PLXDC2: variants seen among roughly 807,000 people sequenced by gnomAD.
PLXDC2 encodes the protein plexin domain-containing protein 2.
PLXDC2 carries 40 observed loss-of-function variants against 68.9 expected under a neutral mutation model. The ratio of observed to expected loss-of-function variants is 0.58; its 90% confidence interval spans 0.45 to 0.76. The LOEUF (loss-of-function observed/expected upper bound fraction) is 0.76, where lower values mean the gene tolerates loss of function less well. Among genes scored for constraint, PLXDC2 ranks in the 30% least tolerant of loss-of-function variants. PLXDC2 has a pLI of 0.00. For missense variants in PLXDC2, 644 were observed against 661.9 expected, an observed-to-expected ratio of 0.97 and a Z score of 0.30; for synonymous variants, 243 against 234.2, an observed-to-expected ratio of 1.04 and a Z score of -0.34.
At chr10:20,117,619 T>G (rs1474019955) in intron 4 of PLXDC2, among the ~76,000 whole-genome samples, 1 of 152,148 alleles carries the variant, frequency 6.6e-6, no homozygotes, top group African/African-American at 2.4e-5. Flanking sequence ...ATCCCATATA[T>G]TTATGAAAAT....
chr10:20,014,455 C>T (rs919331612), intron 2 of PLXDC2, among the ~76,000 whole-genome samples: 14 of 145,136 alleles, frequency 9.6e-5, no homozygotes, highest in African/African-American at 3.0e-4. Context: ...TCCCCTCTCT[C>T]TCTTTCTTTC....
At chr10:20,217,016 C>T (rs1036583553) in intron 10 of PLXDC2, among the ~76,000 whole-genome samples, 23 of 152,182 alleles carry the variant, frequency 1.5e-4, no homozygotes, top group African/African-American at 5.3e-4. Context: ...CAGTTTGATA[C>T]GAAAGGAATG....
At chr10:20,058,177 G>A (rs1472062857) in intron 3 of PLXDC2, among the ~76,000 whole-genome samples, 2 of 152,052 alleles carry the variant, frequency 1.3e-5, no homozygotes, top group East Asian at 1.9e-4. Context: ...ATATTTATGG[G>A]GTACAGGTGA....
chr10:20,094,561 T>TC (rs1833323457), intron 4 of PLXDC2, among the ~76,000 whole-genome samples: 1 of 151,814 alleles, frequency 6.6e-6, no homozygotes, highest in Non-Finnish European at 1.5e-5. Context: ...CATTATTTTT[T>TC]TTTCTGATCT....
intron 1 of PLXDC2, among the ~76,000 whole-genome samples, chr10:19,844,927 G>A (rs1344539156): frequency 1.3e-5 from 2 of 152,078 alleles, no homozygotes; most frequent in Admixed American, 1.3e-4. Context: ...AAATTCACAG[G>A]GTACTGGACA....
intron 13 of PLXDC2, among the ~76,000 whole-genome samples, chr10:20,270,042 T>TAAAATA (rs1835917187): frequency 9.2e-6 from 1 of 109,002 alleles, no homozygotes; most frequent in Non-Finnish European, 2.1e-5. Flanking sequence ...TAAAATAAAA[T>TAAAATA]AAAATAAAAT....
chr10:20,089,484 G>T (rs553332623), intron 4 of PLXDC2, among the ~76,000 whole-genome samples: 5 of 152,226 alleles, frequency 3.3e-5, no homozygotes, highest in African/African-American at 9.6e-5. Flanking sequence ...GTTACTAAGA[G>T]AGAAGGCCAG....
At chr10:20,213,598 A>G (rs1835098364) in intron 10 of PLXDC2, among the ~76,000 whole-genome samples, 2 of 152,126 alleles carry the variant, frequency 1.3e-5, no homozygotes, top group South Asian at 2.1e-4. Context: ...TTGGAAATAC[A>G]TTAAATTATG....
chr10:19,960,738 T>C (rs1564639944), intron 1 of PLXDC2, among the ~76,000 whole-genome samples: 1 of 148,118 alleles, frequency 6.8e-6, no homozygotes, highest in East Asian at 2.0e-4. Context: ...CCTGATTACA[T>C]ATTTTTTTCC....
chr10:20,025,881 T>G (rs752851859), intron 2 of PLXDC2, among the ~76,000 whole-genome samples: 3 of 151,776 alleles, frequency 2.0e-5, no homozygotes, highest in Non-Finnish European at 4.4e-5. Flanking sequence ...ATAATTTTAA[T>G]TTTATATATT....
chr10:19,994,291 A>T (rs1302803866), intron 1 of PLXDC2, among the ~76,000 whole-genome samples: 1 of 79,716 alleles, frequency 1.3e-5, no homozygotes. Flanking sequence ...ATTTTCTCTG[A>T]CTACTTGGAA....
intron 13 of PLXDC2, among the ~76,000 whole-genome samples, chr10:20,270,272 G>A (rs11011924): frequency 0.26 from 39,024 of 151,874 alleles, 5,274 homozygotes; most frequent in African/African-American, 0.34. Flanking sequence ...CTTTGTTTGC[G>A]TAAAGGTTTA....
At chr10:19,894,327 A>C (rs2131362492) in intron 1 of PLXDC2, among the ~76,000 whole-genome samples, 1 of 151,870 alleles carries the variant, frequency 6.6e-6, no homozygotes, top group Non-Finnish European at 1.5e-5. Flanking sequence ...TGTTTCCCAA[A>C]CTTTTCTATG....
rs1197148323 is a variant in PLXDC2, at chr10:20,287,531, A to G, written c.*7712A>G. On this transcript the variant is annotated 3_prime_UTR_variant, in exon 14 of 14. Coordinates refer to ENST00000377252, the MANE Select transcript of PLXDC2 (RefSeq NM_032812.9). Reference sequence around the variant, plus strand: ...TTCAAGGTGGTTTGAATGAAAACATACTCAGATTGTCACATTTATAGCAGG... The same window carrying G: ...TTCAAGGTGGTTTGAATGAAAACATGCTCAGATTGTCACATTTATAGCAGG... 2.0e-5 allele frequency: 3 copies of G among 150,068 alleles called. No homozygotes were observed. The highest frequency in any genetic ancestry group is 4.4e-5 in the Non-Finnish European group (3 of 67,692). The allele number at this position is 150,068 out of a possible 1,614,324, so 9.3% of individuals were successfully genotyped here.
chr10:20,038,150 C>T (rs188323684), intron 2 of PLXDC2, among the ~76,000 whole-genome samples: 238 of 151,912 alleles, frequency 1.6e-3, no homozygotes, highest in African/African-American at 5.5e-3. Context: ...GCAGGAGAAT[C>T]GCTTGAACCT....
At chr10:19,831,789 A>C (rs1836697994) in intron 1 of PLXDC2, among the ~76,000 whole-genome samples, 1 of 152,052 alleles carries the variant, frequency 6.6e-6, no homozygotes, top group Admixed American at 6.6e-5. Context: ...AATATTCCCT[A>C]GTGTATAGGT....
intron 7 of PLXDC2, among the ~76,000 whole-genome samples, chr10:20,171,736 T>TTTC (rs1175431181): frequency 6.6e-5 from 10 of 152,024 alleles, no homozygotes; most frequent in Admixed American, 2.0e-4. Context: ...GGTTAAATTC[T>TTTC]TTCTTTTATT....
rs537703549 is a variant in PLXDC2 at position 20,280,896 on chromosome 10, A to G, written c.*1077A>G. The G allele has an allele frequency of 6.6e-6, 1 of 152,090 alleles. No individual in the cohort carries two copies. The highest frequency in any genetic ancestry group is 2.1e-4 in the South Asian group (1 of 4,830). 9.4% of individuals were successfully genotyped at this position (152,090 alleles called of 1,614,324 possible). ...TACAGTAATTTTCTTTAAAGCACAT[A>G]GTAGTTACATAAATATATATATATA... On this transcript the variant is annotated 3_prime_UTR_variant, in exon 14 of 14. Transcript: ENST00000377252.
intron 13 of PLXDC2, among the ~76,000 whole-genome samples, chr10:20,259,083 C>G (rs1046053538): frequency 6.6e-6 from 1 of 151,734 alleles, no homozygotes; most frequent in African/African-American, 2.4e-5. Context: ...GAGGAAGCTA[C>G]AACCACTTAG....
Sources: allele counts gnomAD v4.1 joint callset (sites outside exome capture counted in the v4.1 genomes callset), GRCh38; gene constraint gnomAD v4.1.1; transcripts MANE v1.5; gene names NCBI Gene and HGNC (gene_info 2026-07-23, HGNC 2026-07-21).